The following CACNA2D3 variants were observed in gnomAD, a reference collection of about 807,000 sequenced individuals.
CACNA2D3 encodes the protein voltage-dependent calcium channel subunit alpha-2/delta-3.
CACNA2D3 carries 60 observed loss-of-function variants against 160.6 expected under a neutral mutation model. The ratio of observed to expected loss-of-function variants is 0.37; its 90% CI spans 0.30 to 0.46. The LOEUF is 0.46. Among genes scored for constraint, CACNA2D3 ranks in the 20% least tolerant of loss-of-function variants. The pLI is 1.00. For synonymous variants in CACNA2D3, 558 were observed against 492.9 expected (o/e 1.13, Z -1.75); for missense variants, 1,205 against 1,365.0 (o/e 0.88, Z 1.85).
At chr3:55,016,647 G>C (rs1330301649) in intron 34 of CACNA2D3, among the ~76,000 whole-genome samples, 2 of 152,218 alleles carry the variant, frequency 1.3e-5, no homozygotes, top group Non-Finnish European at 2.9e-5. Context: ...TTATTCCTCA[G>C]AACGATCCTG....
intron 35 of CACNA2D3, among the ~76,000 whole-genome samples, chr3:55,058,169 G>C (rs1704412728): frequency 6.6e-6 from 1 of 152,130 alleles, no homozygotes. Context: ...GAATAGGGGT[G>C]GGAATTATTT....
chr3:54,500,135 T>A (rs1701265286), intron 4 of CACNA2D3, among the ~76,000 whole-genome samples: 1 of 152,204 alleles, frequency 6.6e-6, no homozygotes, highest in African/African-American at 2.4e-5. Flanking sequence ...TCTTTATCAT[T>A]AAGTAATGCC....
At chr3:54,253,668 G>A (rs891883452) in intron 2 of CACNA2D3, among the ~76,000 whole-genome samples, 4 of 152,198 alleles carry the variant, frequency 2.6e-5, no homozygotes, top group African/African-American at 9.7e-5. Context: ...TTTTGATTTG[G>A]AGGAAGTATT....
At chr3:54,433,476 C>G (rs1172759830) in intron 4 of CACNA2D3, among the ~76,000 whole-genome samples, 1 of 152,150 alleles carries the variant, frequency 6.6e-6, no homozygotes, top group Non-Finnish European at 1.5e-5. Flanking sequence ...TTGAATTGTA[C>G]AAAGTAACAC....
At chr3:54,600,784 CG>C (rs1703046225) in intron 9 of CACNA2D3, among the ~76,000 whole-genome samples, 1 of 151,920 alleles carries the variant, frequency 6.6e-6, no homozygotes, top group African/African-American at 2.4e-5. Flanking sequence ...TCTAATGAGC[CG>C]GGAGTGGAAG....
intron 31 of CACNA2D3, among the ~76,000 whole-genome samples, chr3:54,989,935 A>G (rs1702701709): frequency 6.6e-6 from 1 of 152,126 alleles, no homozygotes; most frequent in Admixed American, 6.5e-5. Context: ...CCCAGCATGC[A>G]GTGCTTGCTC....
At chr3:54,733,848 G>C (rs78203283) in intron 11 of CACNA2D3, among the ~76,000 whole-genome samples, 2,532 of 152,282 alleles carry the variant, frequency 0.017, 59 homozygotes, top group African/African-American at 0.055. Flanking sequence ...GATAAAGGAA[G>C]ATGATGTCGA....
At chr3:54,746,588 G>C (rs555955476) in intron 11 of CACNA2D3, among the ~76,000 whole-genome samples, 1 of 152,162 alleles carries the variant, frequency 6.6e-6, no homozygotes, top group Admixed American at 6.5e-5. Flanking sequence ...TGTGGGCACC[G>C]ATAGGTCATG....
chr3:54,313,308 G>A (rs1703782738), intron 2 of CACNA2D3, among the ~76,000 whole-genome samples: 1 of 152,058 alleles, frequency 6.6e-6, no homozygotes, highest in African/African-American at 2.4e-5. Context: ...TCATTCCTCT[G>A]CCTCTTATGG....
chr3:54,996,175 A>G (rs1364976887), intron 31 of CACNA2D3, among the ~76,000 whole-genome samples: 1 of 152,254 alleles, frequency 6.6e-6, no homozygotes, highest in African/African-American at 2.4e-5. Flanking sequence ...GCTATGAAAT[A>G]TGGACCTGGC....
chr3:54,196,813 T>C (rs150270572), intron 2 of CACNA2D3, among the ~76,000 whole-genome samples: 1,602 of 152,358 alleles, frequency 0.011, 15 homozygotes, highest in Non-Finnish European at 0.018. Context: ...GAATTCCAAA[T>C]GCAGATGCAG....
At position 54,987,574 on chromosome 3, in the gene CACNA2D3, C is replaced by G. The variant is rs1702643164; in HGVS notation, c.2620-109C>G. On this transcript the variant is annotated intron_variant, in intron 30 of 37. Transcript: ENST00000474759. ...CTTTTCCACTTTCCTGAAAACCTGCCTTTTGCTCCTGTCAGTTCCAGGACA... is the reference window on the plus strand; with the variant it reads ...CTTTTCCACTTTCCTGAAAACCTGCGTTTTGCTCCTGTCAGTTCCAGGACA... 4 of 650,900 alleles carry G rather than the reference C, an allele frequency of 6.1e-6. 1 individual carries two copies. The highest frequency in any genetic ancestry group is 3.3e-5 in the Admixed American group (1 of 30,282). The allele number at this position is 650,900 out of a possible 1,614,324, so 40.3% of individuals were successfully genotyped here.
intron 13 of CACNA2D3, among the ~76,000 whole-genome samples, chr3:54,811,564 GT>G (rs1455240326): frequency 7.1e-6 from 1 of 140,426 alleles, no homozygotes; most frequent in African/African-American, 2.7e-5. Context: ...GTGGTGTGAT[GT>G]TAGCTCACTG....
intron 6 of CACNA2D3, among the ~76,000 whole-genome samples, chr3:54,565,168 C>T (rs375283427): frequency 2.6e-5 from 4 of 152,092 alleles, no homozygotes; most frequent in Admixed American, 6.6e-5. Context: ...GTCAGCCATC[C>T]GAAACCCTGG....
At chr3:54,217,611 G>A (rs1056828225) in intron 2 of CACNA2D3, among the ~76,000 whole-genome samples, 1 of 152,130 alleles carries the variant, frequency 6.6e-6, no homozygotes, top group African/African-American at 2.4e-5. Context: ...TGAAGACAGA[G>A]GCAGAGATCA....
intron 2 of CACNA2D3, among the ~76,000 whole-genome samples, chr3:54,253,775 GT>G (rs11325336): frequency 0.41 from 61,329 of 151,086 alleles, 12,513 homozygotes; most frequent in African/African-American, 0.42. Context: ...GTGATTCCCT[GT>G]TTTTTTTTGT....
At chr3:54,552,730 C>A (rs1448501426) in intron 5 of CACNA2D3, among the ~76,000 whole-genome samples, 1 of 152,140 alleles carries the variant, frequency 6.6e-6, no homozygotes, top group Non-Finnish European at 1.5e-5. Context: ...TTCTGTGATA[C>A]AATTTTCTTC....
At chr3:54,799,549 C>G (rs41473547) in intron 13 of CACNA2D3, among the ~76,000 whole-genome samples, 2,011 of 152,306 alleles carry the variant, frequency 0.013, 39 homozygotes, top group African/African-American at 0.045. Flanking sequence ...CAGGTTCTCT[C>G]TTGAAGACAT....
chr3:54,726,596 C>T (rs1387055101), intron 11 of CACNA2D3, among the ~76,000 whole-genome samples: 4 of 152,078 alleles, frequency 2.6e-5, no homozygotes, highest in South Asian at 2.1e-4. Flanking sequence ...ACAGAGGCCT[C>T]GGAAATAACA....
Sources: allele counts gnomAD v4.1 joint callset (sites outside exome capture counted in the v4.1 genomes callset), GRCh38; gene constraint gnomAD v4.1.1; transcripts MANE v1.5; gene names NCBI Gene and HGNC (gene_info 2026-07-23, HGNC 2026-07-21).